PTPRN2: variants seen among roughly 807,000 people sequenced by gnomAD.
PTPRN2 encodes the protein receptor-type tyrosine-protein phosphatase N2.
Under a neutral mutation model 118.8 loss-of-function variants are expected in PTPRN2, and 74 were observed. That is an observed-to-expected ratio of 0.62 (90% CI 0.52 to 0.76). PTPRN2 has a LOEUF of 0.76. Among genes scored for constraint, PTPRN2 ranks in the 30% least tolerant of loss-of-function variants. The probability of loss-of-function intolerance (pLI) is 0.00; values close to 1 mark genes in which losing one functional copy is unlikely to be tolerated. For synonymous variants in PTPRN2, 641 were observed against 608.0 expected (o/e 1.05, Z -0.80); for missense variants, 1,481 against 1,394.4 (o/e 1.06, Z -0.99).
intron 1 of PTPRN2, among the ~76,000 whole-genome samples, chr7:158,522,989 A>G (rs1463619581): frequency 6.6e-6 from 1 of 152,228 alleles, no homozygotes; most frequent in Non-Finnish European, 1.5e-5. Flanking sequence ...GAATTTCAAG[A>G]ATAGCCAAGG....
At chr7:157,736,085 G>T (rs534200263) in intron 12 of PTPRN2, among the ~76,000 whole-genome samples, 1 of 152,194 alleles carries the variant, frequency 6.6e-6, no homozygotes, top group South Asian at 2.1e-4. Flanking sequence ...GGGCGAGGCC[G>T]GCACCCGCTG....
intron 12 of PTPRN2, among the ~76,000 whole-genome samples, chr7:157,769,648 C>T (rs1802682299): frequency 6.6e-6 from 1 of 152,220 alleles, no homozygotes; most frequent in Admixed American, 6.5e-5. Context: ...GCATAAAACA[C>T]ACCCACACAT....
chr7:157,687,817 A>C (rs1797269954), intron 12 of PTPRN2, among the ~76,000 whole-genome samples: 1 of 152,210 alleles, frequency 6.6e-6, no homozygotes, highest in African/African-American at 2.4e-5. Flanking sequence ...ACACGGGGGA[A>C]GGGGTGTCTT....
At chr7:158,132,218 G>A (rs992548553) in intron 9 of PTPRN2, among the ~76,000 whole-genome samples, 4 of 144,636 alleles carry the variant, frequency 2.8e-5, no homozygotes, top group Admixed American at 1.4e-4. Context: ...CGAAATACCC[G>A]AACAGATGCA....
intron 14 of PTPRN2, among the ~76,000 whole-genome samples, chr7:157,651,869 C>T (rs1218536963): frequency 2.0e-5 from 3 of 152,312 alleles, no homozygotes; most frequent in Middle Eastern, 3.4e-3. Context: ...GAGAAATGTA[C>T]CGGTTTCTTG....
At chr7:158,242,041 C>T (rs935779540) in intron 3 of PTPRN2, among the ~76,000 whole-genome samples, 1 of 152,092 alleles carries the variant, frequency 6.6e-6, no homozygotes, top group African/African-American at 2.4e-5. Context: ...TGTTATTGTC[C>T]AAATCTTAAC....
At chr7:157,584,365 G>T (rs1201694101) in intron 17 of PTPRN2, among the ~76,000 whole-genome samples, 1 of 151,984 alleles carries the variant, frequency 6.6e-6, no homozygotes, top group East Asian at 1.9e-4. Context: ...ACCCTCCATG[G>T]CATCTAACAG....
chr7:158,063,158 G>T (rs1810485622), intron 11 of PTPRN2, among the ~76,000 whole-genome samples: 4 of 152,222 alleles, frequency 2.6e-5, no homozygotes, highest in Admixed American at 2.0e-4. Context: ...CTAGCTCAAG[G>T]TTTGTAAATA....
At chr7:157,691,199 C>T (rs904194899) in intron 12 of PTPRN2, among the ~76,000 whole-genome samples, 7 of 151,836 alleles carry the variant, frequency 4.6e-5, no homozygotes, top group Non-Finnish European at 1.0e-4. Context: ...AAGCCAGGGC[C>T]TTCGCCTTTT....
intron 11 of PTPRN2, among the ~76,000 whole-genome samples, chr7:157,945,481 C>T (rs1800417582): frequency 6.6e-6 from 1 of 152,304 alleles, no homozygotes; most frequent in Admixed American, 6.5e-5. Context: ...TCACTCTTCT[C>T]CCGCTCAGTG....
At chr7:158,236,071 T>A (rs749140516) in intron 3 of PTPRN2, among the ~76,000 whole-genome samples, 3 of 152,108 alleles carry the variant, frequency 2.0e-5, no homozygotes, top group Non-Finnish European at 4.4e-5. Context: ...AGGACGACAG[T>A]GCAGAGCCCA....
chr7:158,065,432 C>T lies in PTPRN2; in HGVS notation c.1723+15866G>A, dbSNP rs146265622. 5.4e-3 allele frequency among the ~76,000 whole-genome samples: 821 copies of T among 152,332 alleles called. 7 individuals are homozygous for T. Among genetic ancestry groups the T allele is most frequent in the African/African-American group, 0.018 (768 of 41,568 alleles). On this transcript the variant is annotated intron_variant, in intron 11 of 22. Transcript: ENST00000389418. ...CTGCAGTGAGCAGGGGCATGGTTTG[C>T]GGAATATGGGCCTCCAGAAGCAGCT... is the stretch of plus-strand genomic sequence containing the variant.
intron 2 of PTPRN2, among the ~76,000 whole-genome samples, chr7:158,354,431 C>T (rs1227516349): frequency 6.6e-6 from 1 of 152,062 alleles, no homozygotes; most frequent in Non-Finnish European, 1.5e-5. Flanking sequence ...AAAATGGCAG[C>T]CCTAAGGAAA....
chr7:158,101,998 A>C (rs1420585734), intron 10 of PTPRN2, among the ~76,000 whole-genome samples: 1 of 152,110 alleles, frequency 6.6e-6, no homozygotes, highest in Non-Finnish European at 1.5e-5. Context: ...GCAGCCATGG[A>C]GCTTGCAGCT....
chr7:158,504,443 G>A (rs532235322), intron 1 of PTPRN2, among the ~76,000 whole-genome samples: 1 of 152,226 alleles, frequency 6.6e-6, no homozygotes, highest in African/African-American at 2.4e-5. Context: ...GTGAGAACAT[G>A]CAGTGTTTGG....
At chr7:157,877,402 C>T (rs920599806) in intron 12 of PTPRN2, among the ~76,000 whole-genome samples, 11 of 147,606 alleles carry the variant, frequency 7.5e-5, no homozygotes, top group Non-Finnish European at 1.0e-4. Context: ...CTGAGTGCAG[C>T]GCCAGGGTTT....
At chr7:158,112,148 A>G (rs1816335863) in intron 9 of PTPRN2, among the ~76,000 whole-genome samples, 1 of 152,172 alleles carries the variant, frequency 6.6e-6, no homozygotes, top group South Asian at 2.1e-4. Flanking sequence ...TGGATTTCCC[A>G]CTTTGGAAGT....
At chr7:157,982,691 A>G (rs1803377101) in intron 11 of PTPRN2, among the ~76,000 whole-genome samples, 1 of 113,956 alleles carries the variant, frequency 8.8e-6, no homozygotes. Flanking sequence ...ACAGAGATGG[A>G]GGGGAATGCA....
At chr7:158,295,799 A>T (rs1183152414) in intron 3 of PTPRN2, among the ~76,000 whole-genome samples, 2 of 151,586 alleles carry the variant, frequency 1.3e-5, no homozygotes, top group African/African-American at 4.9e-5. Flanking sequence ...CGCCTTTCTG[A>T]GGGTCCAAGC....
Sources: allele counts gnomAD v4.1 joint callset (sites outside exome capture counted in the v4.1 genomes callset), GRCh38; gene constraint gnomAD v4.1.1; transcripts MANE v1.5; gene names NCBI Gene and HGNC (gene_info 2026-07-23, HGNC 2026-07-21).